Variants in AKAP19 observed in about 807,000 individuals in gnomAD.
AKAP19 encodes the protein small A-kinase anchoring protein.
At chr2:190,126,655 C>T in the AKAP19 span, among the ~76,000 whole-genome samples, 1 of 151,850 alleles carries the variant, frequency 6.6e-6, no homozygotes, top group African/African-American at 2.4e-5. Flanking sequence ...CTCTTGAATA[C>T]ATAATTGTTT....
At chr2:189,954,650 A>G in the AKAP19 span, among the ~76,000 whole-genome samples, 1 of 152,218 alleles carries the variant, frequency 6.6e-6, no homozygotes, top group Non-Finnish European at 1.5e-5. Flanking sequence ...CTATGTTACA[A>G]CTAACACATT....
At chr2:190,049,964 GT>G in the AKAP19 span, among the ~76,000 whole-genome samples, 20 of 152,108 alleles carry the variant, frequency 1.3e-4, no homozygotes, top group Admixed American at 1.3e-3. Flanking sequence ...TTACATAAAT[GT>G]TTGCATTTTG....
the AKAP19 span, among the ~76,000 whole-genome samples, chr2:190,170,231 A>G: frequency 1.3e-5 from 2 of 152,236 alleles, no homozygotes; most frequent in African/African-American, 4.8e-5. Context: ...ATTACTTCCC[A>G]AAGGCCCCAT....
chr2:190,125,545 C>T, the AKAP19 span, among the ~76,000 whole-genome samples: 1 of 152,286 alleles, frequency 6.6e-6, no homozygotes, highest in South Asian at 2.1e-4. Flanking sequence ...GAACCAGCCA[C>T]TCTGTAATCA....
chr2:190,082,381 G>A, the AKAP19 span, among the ~76,000 whole-genome samples: 9 of 152,300 alleles, frequency 5.9e-5, no homozygotes, highest in South Asian at 1.0e-3. Context: ...TGTCAGGATG[G>A]CCACCTGCAG....
chr2:189,906,333 G>A, the AKAP19 span, among the ~76,000 whole-genome samples: 76 of 152,064 alleles, frequency 5.0e-4, no homozygotes, highest in African/African-American at 1.7e-3. Context: ...GAAGAATACA[G>A]AATATAAAAG....
At chr2:190,060,512 A>T in the AKAP19 span, 1 of 1,316,762 alleles carries the variant, frequency 7.6e-7, no homozygotes, top group Non-Finnish European at 1.0e-6. Context: ...ATAGTTGAGC[A>T]TTTTTTTAAA....
the AKAP19 span, among the ~76,000 whole-genome samples, chr2:190,069,173 TGTGAGA>T: frequency 1.0e-5 from 1 of 98,858 alleles, no homozygotes; most frequent in African/African-American, 3.4e-5. Context: ...TGTGTGTGTG[TGTGAGA>T]GAGAGAGAGA....
chr2:189,968,431 C>A, the AKAP19 span, among the ~76,000 whole-genome samples: 1 of 152,066 alleles, frequency 6.6e-6, no homozygotes, highest in East Asian at 1.9e-4. Context: ...GTAGAGATGG[C>A]ATCTCACTAT....
the AKAP19 span, among the ~76,000 whole-genome samples, chr2:189,961,956 C>T: frequency 1.3e-5 from 2 of 150,650 alleles, no homozygotes; most frequent in Non-Finnish European, 3.0e-5. Flanking sequence ...ATATTTAAAA[C>T]CACTTTGAAA....
At chr2:190,020,522 C>A in the AKAP19 span, among the ~76,000 whole-genome samples, 1 of 152,302 alleles carries the variant, frequency 6.6e-6, no homozygotes, top group Non-Finnish European at 1.5e-5. Context: ...ATGTATCAGA[C>A]AAACCATCCT....
chr2:189,994,456 G>A, the AKAP19 span, among the ~76,000 whole-genome samples: 1 of 151,914 alleles, frequency 6.6e-6, no homozygotes, highest in Non-Finnish European at 1.5e-5. Context: ...TTCCCTCTTA[G>A]CGCTGCTTTT....
At chr2:190,050,376 G>A in the AKAP19 span, among the ~76,000 whole-genome samples, 1 of 152,164 alleles carries the variant, frequency 6.6e-6, no homozygotes. Context: ...TACATAGGGA[G>A]GTATGGAGGT....
the AKAP19 span, among the ~76,000 whole-genome samples, chr2:190,125,149 T>C: frequency 6.6e-6 from 1 of 152,132 alleles, no homozygotes. Context: ...AAAGTAATGA[T>C]AAAAAGTCAG....
chr2:190,180,493 TCTGCGATGCCTCG>T, the AKAP19 span: 1 of 985,564 alleles, frequency 1.0e-6, no homozygotes, highest in Non-Finnish European at 1.2e-6. This position sits in a 1 kb window ranked among gnomAD's most constrained non-coding sequence, Gnocchi z 6.8. Flanking sequence ...TTCATTGACC[TCTGCGATGCCTCG>T]CTGGCTTCTG....
chr2:190,027,401 T>C, the AKAP19 span, among the ~76,000 whole-genome samples: 1 of 152,222 alleles, frequency 6.6e-6, no homozygotes, highest in East Asian at 1.9e-4. Flanking sequence ...GAGGAGTATG[T>C]GTAAATATGG....
At chr2:189,893,554 T>C in the AKAP19 span, among the ~76,000 whole-genome samples, 1 of 152,170 alleles carries the variant, frequency 6.6e-6, no homozygotes, top group Non-Finnish European at 1.5e-5. Flanking sequence ...TGCACCTGCT[T>C]TCTAACCAGT....
chr2:189,939,656 T>C, the AKAP19 span, among the ~76,000 whole-genome samples: 1 of 152,208 alleles, frequency 6.6e-6, no homozygotes, highest in Non-Finnish European at 1.5e-5. Flanking sequence ...AAAAACTCAG[T>C]GATCTTCAAG....
chr2:190,057,011 T>C, the AKAP19 span: 26 of 480,200 alleles, frequency 5.4e-5, no homozygotes, highest in Middle Eastern at 2.3e-3. Context: ...GGAACATAAA[T>C]GTAATTTGAT....
Sources: allele counts gnomAD v4.1 joint callset (sites outside exome capture counted in the v4.1 genomes callset), GRCh38; gene constraint gnomAD v4.1.1; non-coding constraint Gnocchi (gnomAD v3.1); transcripts MANE v1.5; gene names NCBI Gene and HGNC (gene_info 2026-07-23, HGNC 2026-07-21).